Variants in PARD3B observed in about 807,000 individuals in gnomAD.
The protein encoded by PARD3B is par-3 family cell polarity regulator beta, also known as partitioning defective 3 homolog B.
PARD3B carries 103 observed loss-of-function variants against 130.2 expected under a neutral mutation model. That is an observed-to-expected ratio of 0.79 (90% CI 0.67 to 0.93). The LOEUF (loss-of-function observed/expected upper bound fraction) is 0.93, where lower values mean the gene tolerates loss of function less well. PARD3B is among the 40% of genes least tolerant of loss of function. The pLI, the probability that PARD3B is intolerant of heterozygous loss-of-function variation, is 0.00. For missense variants in PARD3B, 1,609 were observed against 1,499.2 expected (o/e 1.07, Z -1.21); for synonymous variants, 583 against 553.2 (o/e 1.05, Z -0.76).
chr2:205,607,472 A>G (rs1047391107), intron 22 of PARD3B, among the ~76,000 whole-genome samples: 1 of 152,032 alleles, frequency 6.6e-6, no homozygotes, highest in Non-Finnish European at 1.5e-5. Flanking sequence ...TGTGACTTTG[A>G]TCACATTATT....
At chr2:205,245,321 G>C (rs2039524170) in intron 15 of PARD3B, among the ~76,000 whole-genome samples, 1 of 152,038 alleles carries the variant, frequency 6.6e-6, no homozygotes, top group African/African-American at 2.4e-5. Flanking sequence ...TTGTTTCAAG[G>C]GGAATTACAA....
chr2:205,452,864 C>A (rs2048151246), intron 20 of PARD3B, among the ~76,000 whole-genome samples: 1 of 152,162 alleles, frequency 6.6e-6, no homozygotes, highest in Non-Finnish European at 1.5e-5. Context: ...TTCCCCCCAT[C>A]CTCAACCACT....
intron 1 of PARD3B, among the ~76,000 whole-genome samples, chr2:204,594,988 G>A (rs1460520743): frequency 6.6e-6 from 1 of 152,156 alleles, no homozygotes; most frequent in African/African-American, 2.4e-5. Context: ...CTAGAGAAAT[G>A]TCTGTTCCTT....
At chr2:205,411,241 T>C (rs1024027289) in intron 19 of PARD3B, among the ~76,000 whole-genome samples, 1 of 152,138 alleles carries the variant, frequency 6.6e-6, no homozygotes, top group Non-Finnish European at 1.5e-5. Context: ...TTTAGATAGA[T>C]AGATAGATAT....
At chr2:204,866,417 C>T (rs923759697) in intron 2 of PARD3B, among the ~76,000 whole-genome samples, 4 of 152,008 alleles carry the variant, frequency 2.6e-5, no homozygotes, top group African/African-American at 4.8e-5. Context: ...TCTTCTCTCC[C>T]GTTTCTTAAA....
At chr2:205,252,853 C>CAAAAAAA (rs770957813) in intron 16 of PARD3B, among the ~76,000 whole-genome samples, 1 of 80,456 alleles carries the variant, frequency 1.2e-5, no homozygotes, top group Non-Finnish European at 2.4e-5. Flanking sequence ...CCCCCCCCAC[C>CAAAAAAA]AAAAAAAAAA....
chr2:205,323,188 C>T (rs144032175), intron 18 of PARD3B, among the ~76,000 whole-genome samples: 2,227 of 151,968 alleles, frequency 0.015, 28 homozygotes, highest in Non-Finnish European at 0.019. Context: ...GGATTACAGG[C>T]GTGAGCCACC....
chr2:204,725,801 A>G (rs2039198739), intron 2 of PARD3B, among the ~76,000 whole-genome samples: 1 of 152,236 alleles, frequency 6.6e-6, no homozygotes, highest in African/African-American at 2.4e-5. Flanking sequence ...CCCTGAGGCC[A>G]ACTCTGTAAA....
At chr2:205,419,893 T>G (rs1379626410) in intron 19 of PARD3B, among the ~76,000 whole-genome samples, 1 of 152,206 alleles carries the variant, frequency 6.6e-6, no homozygotes, top group East Asian at 1.9e-4. Context: ...AAGGATGGTC[T>G]TCAAATGATG....
At chr2:204,910,801 C>T (rs1355353399) in intron 2 of PARD3B, among the ~76,000 whole-genome samples, 1 of 152,076 alleles carries the variant, frequency 6.6e-6, no homozygotes, top group African/African-American at 2.4e-5. Context: ...ACCACTACGC[C>T]TGGCTAATTT....
intron 3 of PARD3B, among the ~76,000 whole-genome samples, chr2:204,986,754 G>A (rs1693192616): frequency 6.6e-6 from 1 of 152,110 alleles, no homozygotes; most frequent in Non-Finnish European, 1.5e-5. Flanking sequence ...CCTTTTCGAT[G>A]GGTAATTTGA....
chr2:204,910,629 T>G (rs959472419), intron 2 of PARD3B, among the ~76,000 whole-genome samples: 37 of 151,788 alleles, frequency 2.4e-4, no homozygotes, highest in African/African-American at 6.5e-4. Flanking sequence ...AAGATTACTG[T>G]TTTTTTTGTT....
chr2:205,226,252 A>G lies in PARD3B; in HGVS notation c.2141-19526A>G, dbSNP rs561530812. 9.2e-5 allele frequency among the ~76,000 whole-genome samples: 14 copies of G among 152,306 alleles called. No individual in the cohort carries two copies. The East Asian group carries it at 1.4e-3, about 15-fold the overall frequency. On this transcript the variant is annotated intron_variant, in intron 15 of 22. Coordinates refer to ENST00000406610, the MANE Select transcript of PARD3B (RefSeq NM_001302769.2). ...GAGACGAGGTTTCATCGTGTTAGCC[A>G]GGATGGTCTCGATCTCCTGATCTTG...
chr2:205,162,367 C>A (rs927153432), intron 11 of PARD3B, among the ~76,000 whole-genome samples: 1 of 152,200 alleles, frequency 6.6e-6, no homozygotes, highest in Non-Finnish European at 1.5e-5. Flanking sequence ...TCTTCATAGG[C>A]CCCTCTGAAG....
chr2:205,032,920 T>C (rs1697528435), intron 3 of PARD3B, among the ~76,000 whole-genome samples: 1 of 152,210 alleles, frequency 6.6e-6, no homozygotes. Context: ...ATGTTTCTCA[T>C]CTATCAAGAA....
chr2:204,584,462 A>G (rs1320826168), intron 1 of PARD3B, among the ~76,000 whole-genome samples: 5 of 152,214 alleles, frequency 3.3e-5, no homozygotes, highest in Admixed American at 6.5e-5. Context: ...TTTCTGAAAA[A>G]TGCATCCTTT....
chr2:205,210,434 T>A (rs1161871684), intron 15 of PARD3B, among the ~76,000 whole-genome samples: 1 of 152,102 alleles, frequency 6.6e-6, no homozygotes, highest in Non-Finnish European at 1.5e-5. Context: ...GTTGTAAAGT[T>A]TACTCTGGAA....
At chr2:205,283,864 C>A (rs1262903200) in intron 16 of PARD3B, among the ~76,000 whole-genome samples, 1 of 152,162 alleles carries the variant, frequency 6.6e-6, no homozygotes, top group Non-Finnish European at 1.5e-5. Flanking sequence ...AAGCCAGCGG[C>A]CTTTCCACCC....
intron 2 of PARD3B, among the ~76,000 whole-genome samples, chr2:204,686,912 A>G (rs934161349): frequency 2.0e-5 from 3 of 152,166 alleles, no homozygotes; most frequent in African/African-American, 7.2e-5. Context: ...TTTCATTGCA[A>G]TACACACGAT....
Sources: allele counts gnomAD v4.1 joint callset (sites outside exome capture counted in the v4.1 genomes callset), GRCh38; gene constraint gnomAD v4.1.1; transcripts MANE v1.5; gene names NCBI Gene and HGNC (gene_info 2026-07-23, HGNC 2026-07-21).